SLC11A2: variants seen among roughly 807,000 people sequenced by gnomAD.
The protein encoded by SLC11A2 is solute carrier family 11 member 2.
A neutral mutation model predicts 68.0 loss-of-function variants in SLC11A2; 38 were observed. The observed-to-expected ratio is 0.56, with a 90% CI of 0.43 to 0.73. The LOEUF (loss-of-function observed/expected upper bound fraction) is 0.73. SLC11A2 is among the 30% of genes least tolerant of loss of function. The pLI, the probability that SLC11A2 is intolerant of heterozygous loss-of-function variation, is 0.00. For missense variants in SLC11A2, 517 were observed against 690.5 expected (o/e 0.75, Z 2.82); for synonymous variants, 242 against 250.6 (o/e 0.97, Z 0.32).
rs1028196487 is a variant in SLC11A2 at position 50,986,611 on chromosome 12, C to G, written c.*1714G>C. 9.3e-6 allele frequency: 12 copies of G among 1,286,728 alleles called. No homozygotes were observed. The highest frequency in any genetic ancestry group is 9.1e-6 in the Non-Finnish European group (9 of 988,620). 79.7% of individuals were successfully genotyped at this position (1,286,728 alleles called of 1,614,324 possible). On this transcript the variant is annotated 3_prime_UTR_variant, in exon 16 of 16. Transcript: ENST00000262052. ...GTCAGTTTGGCCTTTCCTACTGCAG[C>G]CAGGTGAGAGCTTAAGATGTCAGTC...
At chr12:51,022,718 CA>C (rs1440739042) in intron 1 of SLC11A2, among the ~76,000 whole-genome samples, 3 of 152,178 alleles carry the variant, frequency 2.0e-5, no homozygotes, top group African/African-American at 4.8e-5. Context: ...CAGCCTTTAA[CA>C]AGCCTCTTTC....
At chr12:51,022,384 C>T (rs1159622630) in intron 1 of SLC11A2, among the ~76,000 whole-genome samples, 1 of 131,142 alleles carries the variant, frequency 7.6e-6, no homozygotes, top group Non-Finnish European at 1.6e-5. Flanking sequence ...CCAGCCTGGG[C>T]AACATAGCAA....
Position 50,987,281 on chromosome 12 carries a change from G to A in SLC11A2, c.*1044C>T, listed in dbSNP as rs912517049. The A allele has an allele frequency of 7.8e-7, 1 of 1,287,228 alleles. No homozygotes were observed. Among genetic ancestry groups the A allele is most frequent in the Non-Finnish European group, 1.0e-6 (1 of 988,692 alleles). The allele number at this position is 1,287,228 out of a possible 1,614,324, so 79.7% of individuals were successfully genotyped here. A position where few individuals can be genotyped will look rare whatever the true frequency, so the allele number is the denominator to read the frequency against. Reference sequence around the variant, plus strand: ...CTTGCAGAGAACGCTGAGAAAGACAGTGTGCTTTGCAACGGTTAAGTCCAC... The same window carrying A: ...CTTGCAGAGAACGCTGAGAAAGACAATGTGCTTTGCAACGGTTAAGTCCAC... On this transcript the variant is annotated 3_prime_UTR_variant, in exon 16 of 16. Coordinates refer to ENST00000262052, the MANE Select transcript of SLC11A2 (RefSeq NM_000617.3).
the SLC11A2 span, among the ~76,000 whole-genome samples, chr12:50,969,194 T>C: frequency 6.6e-6 from 1 of 151,810 alleles, no homozygotes; most frequent in African/African-American, 2.4e-5. Flanking sequence ...CTAGGGGGGC[T>C]GAGACAGGAG....
At chr12:50,973,427 G>C in the SLC11A2 span, among the ~76,000 whole-genome samples, 1 of 152,114 alleles carries the variant, frequency 6.6e-6, no homozygotes, top group Non-Finnish European at 1.5e-5. Context: ...TGCAGCTGAG[G>C]GTCCTGACTG....
At chr12:51,026,077 T>G in intron 1 of SLC11A2, 3 of 1,062,052 alleles carry the variant, frequency 2.8e-6, no homozygotes, top group South Asian at 2.6e-5. Flanking sequence ...ACCTCCGGCG[T>G]TCCCTCCCTG....
In SLC11A2 at chr12:50,995,618, G is replaced by A; in HGVS notation, c.990+11C>T. On this transcript the variant is annotated intron_variant, in intron 10 of 15. Transcript: ENST00000262052. ...CACATTCACTACCACCCATAACCCTGGCTTACTCACCACCTGCTCGTTGGT... is the reference window on the plus strand; with the variant it reads ...CACATTCACTACCACCCATAACCCTAGCTTACTCACCACCTGCTCGTTGGT... 6.2e-7 allele frequency: 1 copy of A among 1,613,824 alleles called. No homozygotes were observed. The highest frequency in any genetic ancestry group is 1.1e-5 in the South Asian group (1 of 91,052).
At chr12:51,017,635 T>C (rs1463570433) in intron 1 of SLC11A2, among the ~76,000 whole-genome samples, 2 of 152,212 alleles carry the variant, frequency 1.3e-5, no homozygotes, top group East Asian at 1.9e-4. Flanking sequence ...CAAGGTCATA[T>C]AGATTCACTC....
At chr12:50,954,078 C>A in the SLC11A2 span, 3 of 1,607,742 alleles carry the variant, frequency 1.9e-6, no homozygotes, top group Admixed American at 3.3e-5. Context: ...AGAGACTCCC[C>A]CTTTGTCCCT....
chr12:50,988,237 G>A lies in SLC11A2; in HGVS notation c.*88C>T, dbSNP rs781190264. 53 of 1,601,880 alleles carry A rather than the reference G, an allele frequency of 3.3e-5. No homozygotes were observed. The Admixed American group carries it at 3.6e-4, about 11-fold the overall frequency. On this transcript the variant is annotated 3_prime_UTR_variant, in exon 16 of 16. Coordinates refer to ENST00000262052, the MANE Select transcript of SLC11A2 (RefSeq NM_000617.3). Reference sequence around the variant, plus strand: ...GAGTCATAAACACAGTCTGTGCAACGGCACATACTTTTGGCTATGTTCACA... The same window carrying A: ...GAGTCATAAACACAGTCTGTGCAACAGCACATACTTTTGGCTATGTTCACA...
chr12:50,975,359 T>C (rs1405372004), downstream of SLC11A2, among the ~76,000 whole-genome samples: 2 of 152,078 alleles, frequency 1.3e-5, no homozygotes, highest in Non-Finnish European at 2.9e-5. Context: ...CTCAACTACA[T>C]GGAAACTGAA....
chr12:50,986,824 G>A lies in SLC11A2; in HGVS notation c.*1501C>T. 7.8e-7 allele frequency: 1 copy of A among 1,287,128 alleles called. No homozygotes were observed. The highest frequency in any genetic ancestry group is 1.2e-5 in the South Asian group (1 of 80,936). The allele number at this position is 1,287,128 out of a possible 1,614,324, so 79.7% of individuals were successfully genotyped here. On this transcript the variant is annotated 3_prime_UTR_variant, in exon 16 of 16. Transcript: ENST00000262052. ...GTGTACCCTTAAATGCCTTATAAAA[G>A]ACCATCCATCCAGTCTGCGCTTTTG...
intron 1 of SLC11A2, among the ~76,000 whole-genome samples, chr12:51,019,290 G>T (rs1943878725): frequency 6.6e-6 from 1 of 152,170 alleles, no homozygotes; most frequent in Non-Finnish European, 1.5e-5. Flanking sequence ...TAAAGAAAAT[G>T]AAAAGGTTTC....
chr12:50,960,884 T>G, the SLC11A2 span: 2 of 1,219,628 alleles, frequency 1.6e-6, no homozygotes, highest in Non-Finnish European at 2.2e-6. Flanking sequence ...CTTGCTATGT[T>G]GCCCAGGCTG....
At chr12:50,952,411 C>T in the SLC11A2 span, among the ~76,000 whole-genome samples, 8 of 152,164 alleles carry the variant, frequency 5.3e-5, no homozygotes, top group East Asian at 1.9e-4. Context: ...AAACCATGAA[C>T]GCTACCTGAT....
intron 1 of SLC11A2, among the ~76,000 whole-genome samples, chr12:51,021,352 G>A (rs1005803899): frequency 9.9e-5 from 15 of 152,054 alleles, no homozygotes; most frequent in Non-Finnish European, 1.5e-4. Context: ...CGGGCCAGGC[G>A]CGGTGGCTCA....
intron 1 of SLC11A2, among the ~76,000 whole-genome samples, chr12:51,025,127 T>A (rs1233589577): frequency 6.6e-6 from 1 of 152,170 alleles, no homozygotes; most frequent in Non-Finnish European, 1.5e-5. Flanking sequence ...CACATATAAC[T>A]ACACTATACC....
At position 50,990,726 on chromosome 12, in the gene SLC11A2, T is replaced by C. The variant is rs942900692; in HGVS notation, c.1575+69A>G. ...TGCCCAGCCTGGGTCTGTTCATTTC[T>C]GAATGTCAGTGAACCCCACCTCAAC... On this transcript the variant is annotated intron_variant, in intron 15 of 15. Coordinates refer to ENST00000262052, the MANE Select transcript of SLC11A2 (RefSeq NM_000617.3). 5.0e-5 allele frequency: 77 copies of C among 1,534,376 alleles called. 1 individual carries two copies. The Middle Eastern group carries it at 5.7e-4, about 11-fold the overall frequency.
chr12:51,028,446 C>T, upstream of SLC11A2: 1 of 445,822 alleles, frequency 2.2e-6, no homozygotes, highest in Non-Finnish European at 4.0e-6. Flanking sequence ...ATATCTGCCA[C>T]TCCTAGATAT....
Sources: gnomAD v4.1 joint callset for allele counts (sites outside exome capture counted in the v4.1 genomes callset) on GRCh38, gnomAD v4.1.1 for gene constraint, MANE v1.5 for transcripts, NCBI Gene and HGNC (gene_info 2026-07-23, HGNC 2026-07-21) for gene names.